CFI: variants seen among roughly 807,000 people sequenced by gnomAD.
The protein encoded by CFI is complement factor I.
CFI carries 66 observed loss-of-function variants against 78.8 expected under a neutral mutation model. That is an observed-to-expected ratio of 0.84 (90% CI 0.69 to 1.03). The LOEUF (loss-of-function observed/expected upper bound fraction) is 1.03. Ranked by LOEUF, CFI falls within the 50% of genes least tolerant of loss-of-function variation. The pLI, the probability that CFI is intolerant of heterozygous loss-of-function variation, is 0.00. For synonymous variants in CFI, 250 were observed against 232.6 expected (o/e 1.07, Z -0.68); for missense variants, 706 against 704.5 (o/e 1.00, Z -0.02).
chr4:109,746,456 A>G lies in CFI; in HGVS notation c.1195T>C (p.Trp399Arg), dbSNP rs778871974. Residue 399 changes from tryptophan to arginine, a missense_variant, in exon 11 of 13, where the codon TGG becomes CGG. Trp to Arg is a moderately radical substitution (Grantham distance 101). Transcript: ENST00000394634. ...RYQIWTTVVD[W>R]IHPDLKRIVI... Reference sequence around the variant, plus strand: ...ATACGTTTAAGGTCGGGGTGTATCCAGTCTACTACTGTTGTCCATATTTGG... The same window carrying G: ...ATACGTTTAAGGTCGGGGTGTATCCGGTCTACTACTGTTGTCCATATTTGG... The G allele has an allele frequency of 6.2e-6, 10 of 1,613,632 alleles. 1 individual carries two copies. Among genetic ancestry groups the G allele is most frequent in the Non-Finnish European group, 6.8e-6 (8 of 1,179,792 alleles).
intron 1 of CFI, among the ~76,000 whole-genome samples, chr4:109,779,907 C>T (rs1729776737): frequency 6.6e-6 from 1 of 152,048 alleles, no homozygotes; most frequent in African/African-American, 2.4e-5. Context: ...ATAAATGGTG[C>T]TGGGAAAACT....
chr4:109,740,549 A>G, downstream of CFI: 1 of 318,414 alleles, frequency 3.1e-6, no homozygotes, highest in South Asian at 3.0e-5. Context: ...AAGACAATAA[A>G]TTGTCCAGGG....
chr4:109,734,226 T>C, the CFI span, among the ~76,000 whole-genome samples: 85 of 151,404 alleles, frequency 5.6e-4, no homozygotes, highest in Non-Finnish European at 1.1e-3. Context: ...AAAAAGTGAG[T>C]GTACACAAAG....
At chr4:109,775,984 G>C (rs562007466) in intron 1 of CFI, among the ~76,000 whole-genome samples, 1 of 152,034 alleles carries the variant, frequency 6.6e-6, no homozygotes, top group Non-Finnish European at 1.5e-5. Flanking sequence ...CCATCTGTAC[G>C]TCACCATCAT....
At chr4:109,739,646 G>C (rs930535898), downstream of CFI, among the ~76,000 whole-genome samples, 3 of 152,128 alleles carry the variant, frequency 2.0e-5, no homozygotes, top group East Asian at 3.9e-4. Context: ...GTATATACTA[G>C]TGTTCAGTGG....
rs191074375 is a variant in CFI at position 109,801,547 on chromosome 4, G to A, written c.57+368C>T. Among the ~76,000 whole-genome samples, 139 of 152,222 alleles carry A rather than the reference G, an allele frequency of 9.1e-4. 3 individuals carry two copies. Among genetic ancestry groups the A allele is most frequent in the Admixed American group, 8.8e-3 (134 of 15,290 alleles). On this transcript the variant is annotated intron_variant, in intron 1 of 12. Transcript: ENST00000394634. ...TTTCCCCTTTCTATAACTATAGAGC[G>A]TACTAAGAGGCTGTTGAAGGAAGAG...
intron 1 of CFI, among the ~76,000 whole-genome samples, chr4:109,778,077 A>C (rs1729507502): frequency 6.6e-6 from 1 of 152,206 alleles, no homozygotes; most frequent in Non-Finnish European, 1.5e-5. Flanking sequence ...AAAGAACTAG[A>C]GAAGCAAGAG....
intron 1 of CFI, among the ~76,000 whole-genome samples, chr4:109,776,940 T>C (rs1044698582): frequency 6.6e-6 from 1 of 152,148 alleles, no homozygotes; most frequent in Non-Finnish European, 1.5e-5. Context: ...TTTGTCACCA[T>C]CAGGCCTGCC....
intron 1 of CFI, among the ~76,000 whole-genome samples, chr4:109,785,390 A>G (rs966631521): frequency 5.9e-5 from 9 of 152,216 alleles, no homozygotes; most frequent in African/African-American, 2.2e-4. Flanking sequence ...TTTGTGTTGA[A>G]AATTTTGTTT....
intron 10 of CFI, among the ~76,000 whole-genome samples, chr4:109,748,986 G>A (rs1323822555): frequency 6.6e-6 from 1 of 152,098 alleles, no homozygotes; most frequent in Non-Finnish European, 1.5e-5. Context: ...GGCAGCTATG[G>A]GTTTGATCTG....
rs1561302770 is a variant in CFI at position 109,761,595 on chromosome 4, C to T, written c.580G>A (p.Ala194Thr). The change falls in exon 4 of 13, where the codon GCT becomes ACT. Residue 194 changes from alanine (A) to threonine (T), a missense_variant. By Grantham distance (58) the Ala-to-Thr change is moderately conservative. Coordinates refer to ENST00000394634, the MANE Select transcript of CFI (RefSeq NM_000204.5). ...CTTCTCTTAGTAAAAGTACATTCAG[C>T]CAAACTGGTCTCTAATCCTCGGCAA... ...VHCRGLETSLAECTFTKRRTM... is the reference protein window; with the variant it reads ...VHCRGLETSLTECTFTKRRTM... 6.2e-7 allele frequency: 1 copy of T among 1,613,968 alleles called. No individual in the cohort carries two copies.
rs1730153545 is a variant in CFI, at chr4:109,782,366, TC to T, written c.58-15543del. 3.3e-5 allele frequency among the ~76,000 whole-genome samples: 5 copies of T among 150,270 alleles called. 1 individual carries two copies. The South Asian group carries it at 1.0e-3, about 32-fold the overall frequency. ...TTAATGTACACAAATCAATAGCTCT[TC>T]TATACACCAACAGCGACCAAGCACA... On this transcript the variant is annotated intron_variant, in intron 1 of 12. Transcript: ENST00000394634.
chr4:109,768,516 A>T lies in CFI; in HGVS notation c.58-1692T>A, dbSNP rs796773579. Among the ~76,000 whole-genome samples, 4 of 152,244 alleles carry T rather than the reference A, an allele frequency of 2.6e-5. No homozygotes were observed. In the South Asian group the frequency reaches 6.2e-4, roughly 24 times the overall value. ...AGAAATACTATGTTTGTAATGGTTG[A>T]CAGGTACTAGGCATAAAATTAATGA... On this transcript the variant is annotated intron_variant, in intron 1 of 12. Coordinates refer to ENST00000394634, the MANE Select transcript of CFI (RefSeq NM_000204.5).
intron 1 of CFI, among the ~76,000 whole-genome samples, chr4:109,782,667 GA>G (rs1311718691): frequency 3.3e-5 from 5 of 150,928 alleles, no homozygotes; most frequent in South Asian, 2.1e-4. Context: ...CACAGAATTA[GA>G]AAAAAAAATT....
At chr4:109,733,578 A>C in the CFI span, among the ~76,000 whole-genome samples, 39 of 152,282 alleles carry the variant, frequency 2.6e-4, no homozygotes, top group Middle Eastern at 0.01. Flanking sequence ...TGGAGGTGTG[A>C]AAAGTGGTCA....
intron 4 of CFI, 110 bp downstream of exon 4, chr4:109,761,407 T>G: frequency 9.3e-7 from 1 of 1,070,102 alleles, no homozygotes. Context: ...GAATCTATAT[T>G]ATTGCCTCTG....
rs1156855861 is a variant in CFI, at chr4:109,761,581, A to G, written c.594T>C (p.Phe198=). Residue 198 remains phenylalanine, a synonymous_variant, in exon 4 of 13, where the codon TTT becomes TTC. Coordinates refer to ENST00000394634, the MANE Select transcript of CFI (RefSeq NM_000204.5). ...GGTAACCCATAGTTCTTCTCTTAGT[A>G]AAAGTACATTCAGCCAAACTGGTCT... ...GLETSLAECT[F]TKRRTMGYQD... is the part of the protein sequence containing the mutation. 1.9e-6 allele frequency: 3 copies of G among 1,614,136 alleles called. No individual in the cohort carries two copies. Among genetic ancestry groups the G allele is most frequent in the Non-Finnish European group, 8.5e-7 (1 of 1,180,000 alleles).
At chr4:109,743,599 C>T (rs1019839152) in intron 11 of CFI, among the ~76,000 whole-genome samples, 1 of 152,158 alleles carries the variant, frequency 6.6e-6, no homozygotes, top group Admixed American at 6.5e-5. Flanking sequence ...CATAGTAAAT[C>T]CTCAATAAAT....
rs368339658 is a variant in CFI, at chr4:109,749,531, T to G, written c.1012A>C (p.Lys338Gln). 2 of 1,613,820 alleles carry G rather than the reference T, an allele frequency of 1.2e-6. No individual in the cohort carries two copies. The highest frequency in any genetic ancestry group is 1.7e-6 in the Non-Finnish European group (2 of 1,179,678). Residue 338 changes from lysine to glutamine, a missense_variant, in exon 9 of 13, where the codon AAA (lysine) becomes CAA (glutamine). Lys to Gln is a moderately conservative substitution (Grantham distance 53). Transcript: ENST00000394634. ...GVKNRMHIRR[K>Q]RIVGGKRAQL... ...GCTCGCTTTCCTCCCACAATTCGTT[T>G]CCTTCGAATGTGCATTCTGTTTTTA...
Sources: gnomAD v4.1 joint callset for allele counts (sites outside exome capture counted in the v4.1 genomes callset) on GRCh38, gnomAD v4.1.1 for gene constraint, MANE v1.5 for transcripts, NCBI Gene and HGNC (gene_info 2026-07-23, HGNC 2026-07-21) for gene names.